Variants in MCM10 observed in about 807,000 individuals in gnomAD.
MCM10 encodes protein MCM10 homolog.
A neutral mutation model predicts 109.9 loss-of-function variants in MCM10; 91 were observed. The ratio of observed to expected loss-of-function variants is 0.83; its 90% CI spans 0.70 to 0.99. The LOEUF (loss-of-function observed/expected upper bound fraction) is 0.99. Among genes scored for constraint, MCM10 ranks in the 50% least tolerant of loss-of-function variants. The pLI, the probability that MCM10 is intolerant of heterozygous loss-of-function variation, is 0.00. For synonymous variants in MCM10, 380 were observed against 387.2 expected, an observed-to-expected ratio of 0.98 and a Z score of 0.22; for missense variants, 1,077 against 1,061.2, an observed-to-expected ratio of 1.01 and a Z score of -0.21.
chr10:13,165,761 G>C (rs1833988015), intron 2 of MCM10, among the ~76,000 whole-genome samples: 1 of 151,474 alleles, frequency 6.6e-6, no homozygotes, highest in Non-Finnish European at 1.5e-5. Flanking sequence ...TGTAATCCCA[G>C]CTACTCAGGA....
intron 18 of MCM10, among the ~76,000 whole-genome samples, chr10:13,204,998 G>GTA (rs1325120690): frequency 2.5e-3 from 48 of 19,458 alleles, no homozygotes; most frequent in Non-Finnish European, 3.3e-3. Flanking sequence ...ATGTATGTAT[G>GTA]TATGTATATA....
At chr10:13,204,536 C>G (rs1404804970) in intron 18 of MCM10, 172 bp downstream of exon 18, 1 of 762,448 alleles carries the variant, frequency 1.3e-6, no homozygotes, top group Non-Finnish European at 2.0e-6. Context: ...GGAAGGGACC[C>G]TGCCCTTTCA....
At chr10:13,178,528 C>T (rs1320816800) in intron 6 of MCM10, among the ~76,000 whole-genome samples, 4 of 152,164 alleles carry the variant, frequency 2.6e-5, no homozygotes, top group Non-Finnish European at 5.9e-5. Flanking sequence ...TTCTTTGCAC[C>T]TTTGTTGAAA....
rs1834220436 is a variant in MCM10, at chr10:13,182,409, G to T, written c.931-524G>T. Among the ~76,000 whole-genome samples the T allele has an allele frequency of 6.6e-6, 1 of 152,070 alleles. No individual in the cohort carries two copies. Among genetic ancestry groups the T allele is most frequent in the Non-Finnish European group, 1.5e-5 (1 of 68,014 alleles). Reference sequence around the variant, plus strand: ...GAGGATTCTTTGAGCCCAGGAGTTGGAGTGAGCAACGGGACATGATTGCAC... The same window carrying T: ...GAGGATTCTTTGAGCCCAGGAGTTGTAGTGAGCAACGGGACATGATTGCAC... On this transcript the variant is annotated intron_variant, in intron 7 of 19. Coordinates refer to ENST00000378714, the MANE Select transcript of MCM10 (RefSeq NM_018518.5). The surrounding 1 kb of genome is among the most constrained non-coding windows in gnomAD (Gnocchi z 4.2).
chr10:13,203,971 A>C (rs1441067330), intron 17 of MCM10, among the ~76,000 whole-genome samples: 2 of 152,126 alleles, frequency 1.3e-5, no homozygotes, highest in South Asian at 4.1e-4. Flanking sequence ...AATAACAGAA[A>C]GTTATTGTGT....
At chr10:13,166,663 T>TAC (rs1372507931) in intron 2 of MCM10, among the ~76,000 whole-genome samples, 3 of 78,806 alleles carry the variant, frequency 3.8e-5, no homozygotes, top group East Asian at 2.6e-4. Flanking sequence ...CATACATACA[T>TAC]ATATATATAT....
At chr10:13,199,464 C>T (rs983969316) in intron 16 of MCM10, among the ~76,000 whole-genome samples, 10 of 152,140 alleles carry the variant, frequency 6.6e-5, no homozygotes, top group African/African-American at 1.4e-4. Flanking sequence ...TTTTCCCATT[C>T]CAGTATTTTT....
intron 17 of MCM10, among the ~76,000 whole-genome samples, chr10:13,203,228 C>T (rs1267694803): frequency 7.2e-5 from 11 of 152,154 alleles, no homozygotes; most frequent in African/African-American, 7.2e-5. Flanking sequence ...AGGTTTCCTG[C>T]AGACGGGGCT....
intron 9 of MCM10, among the ~76,000 whole-genome samples, chr10:13,188,009 G>T (rs190486937): frequency 6.6e-6 from 1 of 152,224 alleles, no homozygotes; most frequent in East Asian, 1.9e-4. Context: ...GCTGGGCGTG[G>T]TTGTGCACAC....
intron 14 of MCM10, chr10:13,195,701 C>T (rs901532681): frequency 1.3e-5 from 2 of 152,526 alleles, no homozygotes; most frequent in Non-Finnish European, 2.9e-5. Context: ...ACCTCCTCCT[C>T]CCAGATTCAA....
Position 13,183,092 on chromosome 10 carries a change from T to A in MCM10, c.1090T>A (p.Ser364Thr), listed in dbSNP as rs767268067. Residue 364 changes from serine (S) to threonine (T), a missense_variant, in exon 8 of 20, where the codon TCA becomes ACA. Physicochemically the swap from Ser to Thr is moderately conservative, Grantham distance 58. Transcript: ENST00000378714. Reference sequence around the variant, plus strand: ...CAACCCCATGAAGCCCAAGGATGGTTCAGAGGAGGTAAGAGCCTGTTTCTG... The same window carrying A: ...CAACCCCATGAAGCCCAAGGATGGTACAGAGGAGGTAAGAGCCTGTTTCTG... ...NANPMKPKDG[S>T]EEVCLSIDHP... 6.2e-7 allele frequency: 1 copy of A among 1,609,968 alleles called. No individual in the cohort carries two copies. The highest frequency in any genetic ancestry group is 8.5e-7 in the Non-Finnish European group (1 of 1,179,058).
At position 13,172,573 on chromosome 10, in the gene MCM10, T is replaced by C; in HGVS notation, c.455-55T>C. The stretch of plus-strand genomic sequence containing the variant: ...ATCCAACTCCTGTCCAAACAGCCCT[T>C]TGAACCTCTTTCTGAATGGGTTTTT... On this transcript the variant is annotated intron_variant, in intron 4 of 19. Transcript: ENST00000378714. This position sits in a 1 kb window ranked among gnomAD's most constrained non-coding sequence, Gnocchi z 5.2. 2 of 1,609,828 alleles carry C rather than the reference T, an allele frequency of 1.2e-6. No homozygotes were observed. The highest frequency in any genetic ancestry group is 2.2e-5 in the South Asian group (2 of 90,656).
intron 5 of MCM10, among the ~76,000 whole-genome samples, chr10:13,175,155 C>T (rs574188831): frequency 9.9e-5 from 15 of 151,962 alleles, no homozygotes; most frequent in East Asian, 5.8e-4. Flanking sequence ...GGACTGTGTG[C>T]GTGTGCAATG....
chr10:13,197,643 A>C lies in MCM10; in HGVS notation c.1995A>C (p.Leu665Phe). The change falls in exon 15 of 20, where the codon TTA (leucine) becomes TTC (phenylalanine). Residue 665 changes from leucine (L) to phenylalanine (F), a missense_variant. Leu to Phe is a conservative substitution (Grantham distance 22). Coordinates refer to ENST00000378714, the MANE Select transcript of MCM10 (RefSeq NM_018518.5). ...TCTAGTTAGCTGCTATCACCAAATTAAGGGCAAAAGGCCAGGTTCTTACAA... is the reference window on the plus strand; with the variant it reads ...TCTAGTTAGCTGCTATCACCAAATTCAGGGCAAAAGGCCAGGTTCTTACAA... The part of the protein sequence containing the change: ...EAKKLAAITK[L>F]RAKGQVLTKT... 6.2e-7 allele frequency: 1 copy of C among 1,613,424 alleles called. No individual in the cohort carries two copies. Among genetic ancestry groups the C allele is most frequent in the Non-Finnish European group, 8.5e-7 (1 of 1,179,844 alleles).
rs532877489 is a variant in MCM10 at position 13,172,309 on chromosome 10, C to T, written c.350-67C>T. On this transcript the variant is annotated intron_variant, in intron 3 of 19. Transcript: ENST00000378714. The surrounding 1 kb of genome is among the most constrained non-coding windows in gnomAD (Gnocchi z 5.2). ...GGGAGTGGACAACAAAAATATTGCC[C>T]GCATTTTTGTCATGTAGAACGTTTT... 7.1e-5 allele frequency: 86 copies of T among 1,212,798 alleles called. No individual in the cohort carries two copies. Among genetic ancestry groups the T allele is most frequent in the South Asian group, 6.1e-4 (48 of 78,622 alleles). 75.1% of individuals were successfully genotyped at this position (1,212,798 alleles called of 1,614,324 possible). A position where few individuals can be genotyped will look rare whatever the true frequency, so the allele number is the denominator to read the frequency against.
At position 13,207,191 on chromosome 10, in the gene MCM10, G is replaced by A. The variant is rs147577654; in HGVS notation, c.2499-1900G>A. Among the ~76,000 whole-genome samples the A allele has an allele frequency of 3.1e-3, 466 of 152,126 alleles. 1 individual carries two copies. The highest frequency in any genetic ancestry group is 4.5e-3 in the Non-Finnish European group (304 of 68,020). On this transcript the variant is annotated intron_variant, in intron 18 of 19. Transcript: ENST00000378714. ...TTAGGCTTTGTGGGCCAGATGATCT[G>A]TCACAACCACACGGCTCTGCTGGTG...
In MCM10 at chr10:13,186,212, G is replaced by T; in HGVS notation, c.1147G>T (p.Ala383Ser). 6.2e-7 allele frequency: 1 copy of T among 1,613,354 alleles called. No homozygotes were observed. The highest frequency in any genetic ancestry group is 8.5e-7 in the Non-Finnish European group (1 of 1,179,476). Residue 383 changes from alanine to serine, a missense_variant, in exon 9 of 20, where the codon GCT becomes TCT. Transcript: ENST00000378714. ...TCAGAAGGTCTTAATTATGGGTGAA[G>T]CTCTTGACCTGGGAACCTGTAAAGC... is the stretch of plus-strand genomic sequence containing the variant. ...HPQKVLIMGEALDLGTCKAKK... is the reference protein window; with the variant it reads ...HPQKVLIMGESLDLGTCKAKK...
chr10:13,178,771 G>A (rs1834172920), intron 6 of MCM10, among the ~76,000 whole-genome samples: 1 of 152,150 alleles, frequency 6.6e-6, no homozygotes, highest in Non-Finnish European at 1.5e-5. Context: ...GATGGAGATT[G>A]CATTGACGCT....
chr10:13,175,554 C>A lies in MCM10; in HGVS notation c.637C>A (p.Pro213Thr). 6.2e-7 allele frequency: 1 copy of A among 1,614,162 alleles called. No individual in the cohort carries two copies. The change falls in exon 6 of 20, where the codon CCC (proline) becomes ACC (threonine). Residue 213 changes from proline to threonine, a missense_variant. Transcript: ENST00000378714. ...AAGGATGACAAGTGCACCCTCCCAA[C>A]CCCTACAGACGATTTCTCGGAACAA... The part of the protein sequence containing the change: ...SSRMTSAPSQ[P>T]LQTISRNKPS...
Sources: allele counts gnomAD v4.1 joint callset (sites outside exome capture counted in the v4.1 genomes callset), GRCh38; gene constraint gnomAD v4.1.1; non-coding constraint Gnocchi (gnomAD v3.1); transcripts MANE v1.5; gene names NCBI Gene and HGNC (gene_info 2026-07-23, HGNC 2026-07-21).